The following COL4A5 variants were observed in gnomAD, a reference collection of about 807,000 sequenced individuals.
The protein encoded by COL4A5 is collagen type IV alpha 5 chain.
A neutral mutation model predicts 130.2 loss-of-function variants in COL4A5; 26 were observed. That is an observed-to-expected ratio of 0.20 (90% confidence interval 0.15 to 0.28). The LOEUF is 0.28. COL4A5 is among the 10% of genes least tolerant of loss of function. COL4A5 has a pLI of 1.00. For missense variants in COL4A5, 1,131 were observed against 1,344.3 expected (o/e 0.84, Z 2.48); for synonymous variants, 496 against 439.6 (o/e 1.13, Z -1.60).
intron 1 of COL4A5, among the ~76,000 whole-genome samples, chrX:108,481,791 A>G (rs2064895377): frequency 9.0e-6 from 1 of 111,703 alleles, no homozygotes; most frequent in African/African-American, 3.3e-5. Context: ...ATGAGCAATT[A>G]CAGGGCTCTT....
intron 29 of COL4A5, among the ~76,000 whole-genome samples, chrX:108,614,384 C>T (rs1340529347): frequency 9.0e-6 from 1 of 111,143 alleles, no homozygotes; most frequent in Non-Finnish European, 1.9e-5. Flanking sequence ...TCAAAGTGTA[C>T]ACTAAAAAGA....
chrX:108,544,263 A>T (rs1252027563), intron 2 of COL4A5, among the ~76,000 whole-genome samples: 1 of 111,780 alleles, frequency 8.9e-6, no homozygotes, highest in African/African-American at 3.3e-5. Context: ...GATAGCTCTT[A>T]TTATTTTGAG....
chrX:108,560,820 A>C (rs1199947673), intron 3 of COL4A5, among the ~76,000 whole-genome samples: 1 of 112,082 alleles, frequency 8.9e-6, no homozygotes, highest in Admixed American at 9.5e-5. Flanking sequence ...CATGGAGATC[A>C]ACCAGCCAGA....
intron 28 of COL4A5, among the ~76,000 whole-genome samples, chrX:108,605,509 A>G (rs1822675301): frequency 8.9e-6 from 1 of 112,091 alleles, no homozygotes; most frequent in Non-Finnish European, 1.9e-5. Context: ...ACCATAACAG[A>G]TATAATAATA....
rs755736976 is a variant in COL4A5 at position 108,458,841 on chromosome X, G to A, written c.81+18635G>A. 5.2e-4 allele frequency among the ~76,000 whole-genome samples: 58 copies of A among 111,164 alleles called. 1 individual carries two copies. Among genetic ancestry groups the A allele is most frequent in the Admixed American group, 3.1e-3 (33 of 10,511 alleles). ...TAAAAATACAAAAAATTAGTTGGGC[G>A]TGGTGGCGGGCGCCTGTAGTCCCAG... On this transcript the variant is annotated intron_variant, in intron 1 of 52. Transcript: ENST00000328300.
At chrX:108,513,414 T>C (rs760151631) in intron 1 of COL4A5, among the ~76,000 whole-genome samples, 54 of 112,547 alleles carry the variant, frequency 4.8e-4, no homozygotes, top group African/African-American at 1.7e-3. Context: ...GTCAGTCTTT[T>C]AAATTTTAAC....
In COL4A5 at chrX:108,697,123, A is replaced by C. The variant is rs2068748481; in HGVS notation, c.*745A>C. ...ATTTTAAATGTTCATGTTACATACC[A>C]AATTATAATATCTAATGGAGCAATT... is the stretch of plus-strand genomic sequence containing the variant. On this transcript the variant is annotated 3_prime_UTR_variant, in exon 53 of 53. Transcript: ENST00000328300. 1 of 111,589 alleles carries C rather than the reference A, an allele frequency of 9.0e-6. No homozygotes were observed. Among genetic ancestry groups the C allele is most frequent in the African/African-American group, 3.3e-5 (1 of 30,756 alleles). 9.2% of individuals were successfully genotyped at this position (111,589 alleles called of 1,213,427 possible).
intron 29 of COL4A5, among the ~76,000 whole-genome samples, chrX:108,611,590 T>C (rs2066836101): frequency 9.0e-6 from 1 of 111,471 alleles, no homozygotes; most frequent in Non-Finnish European, 1.9e-5. Context: ...AAGACATAAA[T>C]TGTTGAAGCT....
intron 8 of COL4A5, among the ~76,000 whole-genome samples, chrX:108,572,165 T>G (rs181357996): frequency 8.9e-6 from 1 of 111,736 alleles, no homozygotes; most frequent in Non-Finnish European, 1.9e-5. Flanking sequence ...CACTATCCTT[T>G]CCTGATTTTT....
intron 29 of COL4A5, among the ~76,000 whole-genome samples, chrX:108,610,695 T>C (rs897141000): frequency 8.9e-6 from 1 of 111,920 alleles, no homozygotes; most frequent in Non-Finnish European, 1.9e-5. Flanking sequence ...ATTTAACAGG[T>C]ATTTGCCTAA....
chrX:108,560,658 G>A (rs1015156821), intron 3 of COL4A5, among the ~76,000 whole-genome samples: 6 of 112,482 alleles, frequency 5.3e-5, no homozygotes, highest in African/African-American at 1.9e-4. Flanking sequence ...ATGCTTAATG[G>A]GAGGGACTGT....
intron 52 of COL4A5, 134 bp downstream of exon 52, chrX:108,695,573 G>T (rs917014528): frequency 5.1e-5 from 36 of 701,868 alleles, no homozygotes; most frequent in Non-Finnish European, 7.2e-5. Context: ...ATTCTTGCTT[G>T]TTCTTCTCAT....
rs1446724412 is a variant in COL4A5 at position 108,620,281 on chromosome X, G to A, written c.2532G>A (p.Glu844=). The change falls in exon 31 of 53, where the codon GAG becomes GAA. Residue 844 remains glutamate, a synonymous_variant. Coordinates refer to ENST00000328300, the MANE Select transcript of COL4A5 (RefSeq NM_033380.3). ...GQPGLHGIPG[E]KGDPGPPGLD... ...TAGGTTTACATGGAATACCAGGAGAGAAGGGGGATCCAGGACCTCCTGGAC... is the reference window on the plus strand; with the variant it reads ...TAGGTTTACATGGAATACCAGGAGAAAAGGGGGATCCAGGACCTCCTGGAC... 3.3e-6 allele frequency: 4 copies of A among 1,208,821 alleles called. No homozygotes were observed. Among genetic ancestry groups the A allele is most frequent in the Non-Finnish European group, 4.5e-6 (4 of 893,465 alleles).
At chrX:108,588,601 A>G (rs895668194) in intron 19 of COL4A5, among the ~76,000 whole-genome samples, 96 of 111,047 alleles carry the variant, frequency 8.6e-4, no homozygotes, top group African/African-American at 3.0e-3. Context: ...CATTTGAAAA[A>G]AAATAATGGC....
chrX:108,601,360 T>G, intron 25 of COL4A5, 33 bp from the exon 26 acceptor site: 2 of 996,473 alleles, frequency 2.0e-6, no homozygotes, highest in East Asian at 6.1e-5. Flanking sequence ...AGTAAATACT[T>G]CTCATTTACC....
At position 108,683,972 on chromosome X, in the gene COL4A5, G is replaced by A. The variant is rs150325101; in HGVS notation, c.4217-2059G>A. ...AGGATTAAGAAACTCACTCAAAACC[G>A]CACAACTACATGGAAACTGTACCAC... On this transcript the variant is annotated intron_variant, in intron 47 of 52. Transcript: ENST00000328300. Among the ~76,000 whole-genome samples, 31 of 111,311 alleles carry A rather than the reference G, an allele frequency of 2.8e-4. No homozygotes were observed. In the East Asian group the frequency reaches 5.1e-3, roughly 18 times the overall value.
chrX:108,642,837 C>A (rs779237857), intron 36 of COL4A5, among the ~76,000 whole-genome samples: 17 of 92,798 alleles, frequency 1.8e-4, no homozygotes, highest in Admixed American at 1.6e-3. Flanking sequence ...CTCTTTAACA[C>A]TCCCCCTCTC....
Position 108,680,770 on chromosome X carries a change from G to A in COL4A5, c.4015+19G>A. On this transcript the variant is annotated intron_variant, in intron 45 of 52. Coordinates refer to ENST00000328300, the MANE Select transcript of COL4A5 (RefSeq NM_033380.3). ...TTCCCAGGTATTTGAAGGGATTTTT[G>A]TGGTTTCCCTTTATATTAAACTCCT... 2 of 1,200,568 alleles carry A rather than the reference G, an allele frequency of 1.7e-6. No homozygotes were observed. The highest frequency in any genetic ancestry group is 5.9e-5 in the East Asian group (2 of 33,759).
At chrX:108,442,699 A>G (rs1266873701) in intron 1 of COL4A5, among the ~76,000 whole-genome samples, 2 of 111,496 alleles carry the variant, frequency 1.8e-5, no homozygotes, top group African/African-American at 6.5e-5. Flanking sequence ...TAGCCATGAA[A>G]CACTTCATCC....
Sources: allele counts gnomAD v4.1 joint callset (sites outside exome capture counted in the v4.1 genomes callset), GRCh38; gene constraint gnomAD v4.1.1; transcripts MANE v1.5; gene names NCBI Gene and HGNC (gene_info 2026-07-23, HGNC 2026-07-21).